The following SFMBT1 variants were observed in gnomAD, a reference collection of about 807,000 sequenced individuals.
SFMBT1 encodes scm-like with four MBT domains protein 1.
Under a neutral mutation model 108.7 loss-of-function variants are expected in SFMBT1, and 32 were observed. That is an observed-to-expected ratio of 0.29 (90% confidence interval 0.22 to 0.40). The LOEUF (loss-of-function observed/expected upper bound fraction) is 0.40. Among genes scored for constraint, SFMBT1 ranks in the 10% least tolerant of loss-of-function variants. The probability of loss-of-function intolerance (pLI) is 1.00; values close to 1 mark genes in which losing one functional copy is unlikely to be tolerated. For missense variants in SFMBT1, 816 were observed against 1,059.6 expected (o/e 0.77, Z 3.19); for synonymous variants, 348 against 369.5 (o/e 0.94, Z 0.67).
Position 52,928,254 on chromosome 3 carries a change from T to A in SFMBT1, c.985A>T (p.Ser329Cys), listed in dbSNP as rs1263050893. Residue 329 changes from serine to cysteine, a missense_variant, in exon 9 of 21, where the codon AGT becomes TGT. Ser to Cys is a moderately radical substitution (Grantham distance 112). Transcript: ENST00000394752. ...CACTGCACAGGGAAGATGCCAGGAC[T>A]GTCGGCGTGGCACACAAAGGATCGC... ...ARRSFVCHADSPGIFPVQWSL... is the reference protein window; with the variant it reads ...ARRSFVCHADCPGIFPVQWSL... 1 of 1,614,156 alleles carries A rather than the reference T, an allele frequency of 6.2e-7. No homozygotes were observed. The highest frequency in any genetic ancestry group is 1.3e-5 in the African/African-American group (1 of 75,046).
chr3:53,025,557 A>G (rs1037669416), intron 1 of SFMBT1, among the ~76,000 whole-genome samples: 1 of 152,178 alleles, frequency 6.6e-6, no homozygotes, highest in Non-Finnish European at 1.5e-5. Flanking sequence ...TAGATGATTC[A>G]GTGAGCCATG....
chr3:52,950,606 C>T (rs1476150464), intron 3 of SFMBT1, among the ~76,000 whole-genome samples: 1 of 152,110 alleles, frequency 6.6e-6, no homozygotes, highest in Non-Finnish European at 1.5e-5. Context: ...TCCCAAGCAG[C>T]TGGAATTACA....
chr3:52,987,510 C>T (rs1704969243), intron 1 of SFMBT1, among the ~76,000 whole-genome samples: 1 of 152,146 alleles, frequency 6.6e-6, no homozygotes, highest in Admixed American at 6.5e-5. Flanking sequence ...TTGACTGAAA[C>T]ACCATCATGC....
At chr3:52,954,221 C>T (rs1703699793) in intron 3 of SFMBT1, 96 bp downstream of exon 3, 1 of 960,016 alleles carries the variant, frequency 1.0e-6, no homozygotes, top group Admixed American at 2.4e-5. Context: ...ACTTCAAGTA[C>T]CACAAATTAA....
intron 1 of SFMBT1, among the ~76,000 whole-genome samples, chr3:52,988,106 G>A (rs926911780): frequency 1.3e-5 from 2 of 152,200 alleles, no homozygotes; most frequent in African/African-American, 4.8e-5. Context: ...AGTTATAGTG[G>A]TTGACTTAGA....
chr3:52,958,581 ACT>A (rs1575402349), intron 2 of SFMBT1, among the ~76,000 whole-genome samples: 2 of 151,934 alleles, frequency 1.3e-5, no homozygotes, highest in South Asian at 2.1e-4. Context: ...ACAGAGTGAG[ACT>A]CTGTCTCAAA....
intron 1 of SFMBT1, among the ~76,000 whole-genome samples, chr3:53,032,199 A>G (rs1000380864): frequency 2.6e-5 from 4 of 152,098 alleles, no homozygotes; most frequent in Non-Finnish European, 5.9e-5. Context: ...GCAAAACCCT[A>G]TCTCTACTAA....
At position 52,968,307 on chromosome 3, in the gene SFMBT1, C is replaced by T. The variant is rs1704216487; in HGVS notation, c.28+794G>A. Among the ~76,000 whole-genome samples the T allele has an allele frequency of 2.0e-5, 3 of 152,098 alleles. No individual in the cohort carries two copies. In the South Asian group the frequency reaches 6.2e-4, roughly 32 times the overall value. On this transcript the variant is annotated intron_variant, in intron 2 of 20. Coordinates refer to ENST00000394752, the MANE Select transcript of SFMBT1 (RefSeq NM_016329.4). ...AGGGGAAGGAGGATAGGTGTGGGAG[C>T]TCTTTGTGGTGATGGAATAGTTCTG...
intron 3 of SFMBT1, among the ~76,000 whole-genome samples, chr3:52,945,863 T>TG (rs1277143003): frequency 6.6e-6 from 1 of 150,924 alleles, no homozygotes; most frequent in Non-Finnish European, 1.5e-5. Context: ...GAATTATTGA[T>TG]GGACTCTAAA....
intron 1 of SFMBT1, among the ~76,000 whole-genome samples, chr3:52,988,125 T>C (rs1189540364): frequency 6.6e-6 from 1 of 152,206 alleles, no homozygotes. Context: ...GAGAGACCCT[T>C]GGGAGGTCCA....
At chr3:52,970,718 G>C (rs540328655) in intron 1 of SFMBT1, among the ~76,000 whole-genome samples, 7 of 151,874 alleles carry the variant, frequency 4.6e-5, no homozygotes, top group Non-Finnish European at 1.0e-4. Context: ...GTGTGTATTA[G>C]AGCCCCCAGT....
rs1358847295 is a variant in SFMBT1 at position 52,933,080 on chromosome 3, T to C, written c.454-772A>G. Among the ~76,000 whole-genome samples, 3 of 152,148 alleles carry C rather than the reference T, an allele frequency of 2.0e-5. No homozygotes were observed. In the East Asian group the frequency reaches 5.8e-4, roughly 29 times the overall value. On this transcript the variant is annotated intron_variant, in intron 5 of 20. Coordinates refer to ENST00000394752, the MANE Select transcript of SFMBT1 (RefSeq NM_016329.4). ...CTCTTTTTCTCCATACAAGTCAATA[T>C]CCACCTCTGCCAGTCTGTCTGTTCC...
chr3:52,938,097 A>C (rs1261951237), intron 4 of SFMBT1, among the ~76,000 whole-genome samples: 1 of 152,112 alleles, frequency 6.6e-6, no homozygotes, highest in East Asian at 1.9e-4. Context: ...GTCAGCTATC[A>C]AGACTGACAG....
At position 52,932,008 on chromosome 3, in the gene SFMBT1, T is replaced by G. The variant is rs369958040; in HGVS notation, c.700+54A>C. ...ATATATTTTTTCAGCCTCATAGATATTAATAACATAGCATGTTAATGTCAC... is the reference window on the plus strand; with the variant it reads ...ATATATTTTTTCAGCCTCATAGATAGTAATAACATAGCATGTTAATGTCAC... On this transcript the variant is annotated intron_variant, in intron 6 of 20. Coordinates refer to ENST00000394752, the MANE Select transcript of SFMBT1 (RefSeq NM_016329.4). 13 of 1,568,358 alleles carry G rather than the reference T, an allele frequency of 8.3e-6. No homozygotes were observed. In the African/African-American group the frequency reaches 9.5e-5, roughly 11 times the overall value.
At chr3:52,913,234 C>T (rs1181293039) in intron 15 of SFMBT1, among the ~76,000 whole-genome samples, 1 of 152,222 alleles carries the variant, frequency 6.6e-6, no homozygotes, top group East Asian at 1.9e-4. Context: ...CTTCTGGTCT[C>T]TGACAGAAGA....
chr3:53,030,097 A>G (rs968102528), intron 1 of SFMBT1, among the ~76,000 whole-genome samples: 2 of 152,232 alleles, frequency 1.3e-5, no homozygotes, highest in Non-Finnish European at 2.9e-5. Flanking sequence ...AAAAAACCCA[A>G]AATATAAATA....
intron 1 of SFMBT1, among the ~76,000 whole-genome samples, chr3:52,984,734 G>C (rs939240393): frequency 9.2e-6 from 1 of 108,328 alleles, no homozygotes; most frequent in African/African-American, 3.7e-5. Flanking sequence ...TACTGTGTGT[G>C]TGTGTGTGTG....
chr3:52,924,746 T>C (rs190201940), intron 10 of SFMBT1, among the ~76,000 whole-genome samples: 3 of 151,704 alleles, frequency 2.0e-5, no homozygotes, highest in Admixed American at 6.6e-5. Context: ...AGAGTGGAGG[T>C]TGCTAAGAGG....
chr3:52,916,511 T>G (rs556656693), intron 13 of SFMBT1, among the ~76,000 whole-genome samples: 1 of 151,504 alleles, frequency 6.6e-6, no homozygotes, highest in Non-Finnish European at 1.5e-5. Context: ...CTACTAAAAA[T>G]ACAAAAAATT....
Sources: gnomAD v4.1 joint callset for allele counts (sites outside exome capture counted in the v4.1 genomes callset) on GRCh38, gnomAD v4.1.1 for gene constraint, MANE v1.5 for transcripts, NCBI Gene and HGNC (gene_info 2026-07-23, HGNC 2026-07-21) for gene names.